Variants in ENTREP2 observed in about 807,000 individuals in gnomAD.
ENTREP2 encodes endosomal transmembrane epsin interactor 2, also known as protein ENTREP2.
At chr15:29,614,575 T>C in the ENTREP2 span, among the ~76,000 whole-genome samples, 1 of 152,226 alleles carries the variant, frequency 6.6e-6, no homozygotes, top group African/African-American at 2.4e-5. Context: ...ACCGTGTATT[T>C]CCTTCTGGTA....
At chr15:29,246,297 G>A in the ENTREP2 span, among the ~76,000 whole-genome samples, 1 of 151,292 alleles carries the variant, frequency 6.6e-6, no homozygotes. Flanking sequence ...AGGCTGTGAC[G>A]GGAGGATCAC....
the ENTREP2 span, among the ~76,000 whole-genome samples, chr15:29,409,374 C>T: frequency 6.6e-6 from 1 of 151,424 alleles, no homozygotes; most frequent in East Asian, 1.9e-4. Context: ...TGGAGTCTCG[C>T]TTTGTTGCCC....
chr15:29,312,875 G>A, the ENTREP2 span, among the ~76,000 whole-genome samples: 1 of 152,186 alleles, frequency 6.6e-6, no homozygotes, highest in South Asian at 2.1e-4. Context: ...AGTGAGGAAG[G>A]CATGTTAAAA....
the ENTREP2 span, among the ~76,000 whole-genome samples, chr15:29,301,324 C>T: frequency 1.3e-5 from 2 of 152,306 alleles, no homozygotes; most frequent in East Asian, 3.9e-4. Flanking sequence ...TCTTTTGTCA[C>T]ATAAGGATTA....
chr15:29,370,187 G>A, the ENTREP2 span, among the ~76,000 whole-genome samples: 2 of 152,050 alleles, frequency 1.3e-5, no homozygotes, highest in African/African-American at 2.4e-5. Flanking sequence ...CCAATTAAAA[G>A]GCAGAAATTT....
chr15:29,236,724 T>C, the ENTREP2 span, among the ~76,000 whole-genome samples: 5 of 152,002 alleles, frequency 3.3e-5, no homozygotes, highest in Non-Finnish European at 7.4e-5. Flanking sequence ...CAGGCCTAGA[T>C]AGTTTCACTG....
the ENTREP2 span, among the ~76,000 whole-genome samples, chr15:29,422,031 G>C: frequency 6.6e-6 from 1 of 152,120 alleles, no homozygotes; most frequent in Non-Finnish European, 1.5e-5. Context: ...ACTTTGGGAG[G>C]CCGAAGCAGG....
chr15:29,126,537 C>T, the ENTREP2 span: 30 of 1,514,096 alleles, frequency 2.0e-5, no homozygotes, highest in East Asian at 4.9e-5. Context: ...CCGCAGGGGA[C>T]GCTGGCGTGG....
chr15:29,290,017 C>T, the ENTREP2 span, among the ~76,000 whole-genome samples: 20 of 152,130 alleles, frequency 1.3e-4, no homozygotes, highest in Non-Finnish European at 2.4e-4. Flanking sequence ...CGGCTAAATG[C>T]GGCAACATGA....
At chr15:29,124,668 T>C in the ENTREP2 span, 1 of 1,549,432 alleles carries the variant, frequency 6.5e-7, no homozygotes, top group Non-Finnish European at 8.7e-7. Context: ...CAAAGCGCTT[T>C]AGAAAAGAAG....
At chr15:29,609,322 T>C in the ENTREP2 span, among the ~76,000 whole-genome samples, 1 of 150,326 alleles carries the variant, frequency 6.7e-6, no homozygotes, top group African/African-American at 2.4e-5. Flanking sequence ...AATTTTGCTA[T>C]CACAATCAAT....
chr15:29,297,114 C>T, the ENTREP2 span, among the ~76,000 whole-genome samples: 1 of 152,154 alleles, frequency 6.6e-6, no homozygotes, highest in Admixed American at 6.5e-5. Context: ...CCTGCCAGAA[C>T]AAAATTCAAC....
chr15:29,497,631 T>A, the ENTREP2 span, among the ~76,000 whole-genome samples: 2 of 152,328 alleles, frequency 1.3e-5, no homozygotes, highest in East Asian at 3.9e-4. Context: ...GTATCAATTG[T>A]AATGTCTTCC....
At chr15:29,266,609 A>G in the ENTREP2 span, 1 of 152,256 alleles carries the variant, frequency 6.6e-6, no homozygotes, top group African/African-American at 2.4e-5. Flanking sequence ...TCTCAAATAC[A>G]TAATGGTGAG....
the ENTREP2 span, chr15:29,269,458 T>C: frequency 3.1e-6 from 5 of 1,613,596 alleles, no homozygotes; most frequent in African/African-American, 4.0e-5. Context: ...CTCCAGCTGC[T>C]TCTGGCTCCT....
At chr15:29,172,235 AG>A in the ENTREP2 span, among the ~76,000 whole-genome samples, 1 of 152,216 alleles carries the variant, frequency 6.6e-6, no homozygotes, top group Non-Finnish European at 1.5e-5. Flanking sequence ...GGATCAAAAA[AG>A]CCAATTCCAG....
the ENTREP2 span, among the ~76,000 whole-genome samples, chr15:29,378,041 A>AAGGG: frequency 6.6e-6 from 1 of 151,834 alleles, no homozygotes; most frequent in Non-Finnish European, 1.5e-5. Context: ...GTGATACCTA[A>AAGGG]TTAGAGAAGA....
the ENTREP2 span, among the ~76,000 whole-genome samples, chr15:29,368,251 G>T: frequency 1.3e-5 from 2 of 151,574 alleles, no homozygotes; most frequent in African/African-American, 4.8e-5. Context: ...TTTGAACTCT[G>T]CCAGGAGGCA....
At chr15:29,519,948 A>C in the ENTREP2 span, among the ~76,000 whole-genome samples, 1,770 of 152,114 alleles carry the variant, frequency 0.012, 26 homozygotes, top group African/African-American at 0.041. Context: ...CTCAAAATCT[A>C]CCCACCCTGC....
Sources: gnomAD v4.1 joint callset for allele counts (sites outside exome capture counted in the v4.1 genomes callset) on GRCh38, gnomAD v4.1.1 for gene constraint, MANE v1.5 for transcripts, NCBI Gene and HGNC (gene_info 2026-07-23, HGNC 2026-07-21) for gene names.